ARL8B: variants seen among roughly 807,000 people sequenced by gnomAD.
The protein encoded by ARL8B is ADP-ribosylation factor-like protein 8B.
In ARL8B, 9 loss-of-function variants were observed where a neutral mutation model predicts 30.6. The ratio of observed to expected loss-of-function variants is 0.29; its 90% CI spans 0.18 to 0.51. ARL8B has a LOEUF of 0.51. ARL8B is among the 20% of genes least tolerant of loss of function. ARL8B has a pLI of 0.97. For missense variants in ARL8B, 130 were observed against 227.2 expected, an observed-to-expected ratio of 0.57 and a Z score of 2.75; for synonymous variants, 74 against 76.0, an observed-to-expected ratio of 0.97 and a Z score of 0.14.
chr3:5,166,233 T>G (rs1425905811), intron 1 of ARL8B, among the ~76,000 whole-genome samples: 2 of 152,000 alleles, frequency 1.3e-5, no homozygotes, highest in Non-Finnish European at 2.9e-5. Flanking sequence ...ACAGACGGGG[T>G]TTCACTATGT....
At chr3:5,166,446 G>A (rs1389859788) in intron 1 of ARL8B, among the ~76,000 whole-genome samples, 1 of 149,102 alleles carries the variant, frequency 6.7e-6, no homozygotes, top group Admixed American at 6.8e-5. Context: ...GGGTTCAAGC[G>A]ATTGCATCAG....
At chr3:5,132,166 C>CATG (rs1367390812) in intron 1 of ARL8B, among the ~76,000 whole-genome samples, 1 of 152,182 alleles carries the variant, frequency 6.6e-6, no homozygotes, top group African/African-American at 2.4e-5. Context: ...GGAGTACAGG[C>CATG]ATGAGCCTGT....
intron 1 of ARL8B, among the ~76,000 whole-genome samples, chr3:5,126,844 G>C (rs1037391838): frequency 4.6e-5 from 7 of 152,162 alleles, no homozygotes; most frequent in African/African-American, 1.7e-4. Flanking sequence ...GTGCCTATAT[G>C]TGTAATGTAT....
At chr3:5,154,786 C>T (rs945972855) in intron 1 of ARL8B, among the ~76,000 whole-genome samples, 5 of 152,108 alleles carry the variant, frequency 3.3e-5, no homozygotes, top group Non-Finnish European at 7.4e-5. Flanking sequence ...TCTTGGCTCA[C>T]TGCAACCTCT....
chr3:5,128,478 C>CA (rs1344533053), intron 1 of ARL8B: 1 of 454,862 alleles, frequency 2.2e-6, no homozygotes, highest in South Asian at 1.6e-5. Flanking sequence ...TCTTGAAAGC[C>CA]AAATGTTCTC....
At chr3:5,174,660 A>G (rs891733168) in intron 6 of ARL8B, among the ~76,000 whole-genome samples, 7 of 142,818 alleles carry the variant, frequency 4.9e-5, no homozygotes, top group African/African-American at 1.8e-4. Context: ...ATATATATAT[A>G]ATATAATATA....
chr3:5,122,311 C>T lies in ARL8B; in HGVS notation c.-155C>T. 6.6e-7 allele frequency: 1 copy of T among 1,515,892 alleles called. No homozygotes were observed. The highest frequency in any genetic ancestry group is 8.8e-7 in the Non-Finnish European group (1 of 1,133,020). 93.9% of individuals were successfully genotyped at this position (1,515,892 alleles called of 1,614,324 possible). On this transcript the variant is annotated 5_prime_UTR_variant, in exon 1 of 7. Coordinates refer to ENST00000256496, the MANE Select transcript of ARL8B (RefSeq NM_018184.3). ...CGAGTCATATGATCCGCTCGGCTTC[C>T]TGGGTCTGGCTGCTGCCGCCCGCCG...
intron 1 of ARL8B, among the ~76,000 whole-genome samples, chr3:5,161,155 T>G (rs1173247329): frequency 2.0e-5 from 3 of 152,190 alleles, no homozygotes; most frequent in Admixed American, 2.0e-4. Flanking sequence ...ATCCACCCAC[T>G]TTGGCCTCCC....
chr3:5,125,179 A>G (rs1368026337), intron 1 of ARL8B, among the ~76,000 whole-genome samples: 4 of 152,280 alleles, frequency 2.6e-5, no homozygotes, highest in Non-Finnish European at 4.4e-5. Flanking sequence ...TGTTTCTTAC[A>G]GAGTTGCTCT....
chr3:5,126,106 T>A (rs1241596807), intron 1 of ARL8B, among the ~76,000 whole-genome samples: 1 of 147,044 alleles, frequency 6.8e-6, no homozygotes, highest in Non-Finnish European at 1.5e-5. Flanking sequence ...ACCCCCTCAG[T>A]GAATTTCATA....
intron 1 of ARL8B, among the ~76,000 whole-genome samples, chr3:5,130,797 A>G (rs2054276648): frequency 6.6e-6 from 1 of 152,212 alleles, no homozygotes; most frequent in African/African-American, 2.4e-5. Flanking sequence ...CGGCCCAGGC[A>G]TGAGCCACCA....
At chr3:5,157,770 A>G (rs1239196299) in intron 1 of ARL8B, 2 of 152,148 alleles carry the variant, frequency 1.3e-5, no homozygotes, top group African/African-American at 4.8e-5. Flanking sequence ...ACCTTATACC[A>G]GAAAGAGAAA....
chr3:5,133,207 AAGGCTGGAAAAGTAGATCAGTC>A (rs2106554926), intron 1 of ARL8B, among the ~76,000 whole-genome samples: 1 of 129,886 alleles, frequency 7.7e-6, no homozygotes, highest in South Asian at 2.3e-4. Context: ...AAAAGAAACA[AAGGCTGGAAAAGTAGATCAGTC>A]AGCTCCCACA....
At chr3:5,157,620 A>G (rs1336136918) in intron 1 of ARL8B, 5 of 152,260 alleles carry the variant, frequency 3.3e-5, no homozygotes, top group African/African-American at 4.8e-5. Flanking sequence ...CAGCTGGTCC[A>G]TAGCTGCCTT....
chr3:5,157,239 A>G (rs1575569344), intron 1 of ARL8B, among the ~76,000 whole-genome samples: 1 of 152,148 alleles, frequency 6.6e-6, no homozygotes, highest in South Asian at 2.1e-4. Context: ...TTAGTTCTCA[A>G]AGCCTTTGTG....
intron 1 of ARL8B, among the ~76,000 whole-genome samples, chr3:5,136,503 G>C (rs1462743138): frequency 6.6e-6 from 1 of 152,140 alleles, no homozygotes; most frequent in African/African-American, 2.4e-5. Context: ...TTTGGAAGCT[G>C]GGCATGACTT....
rs922629855 is a variant in ARL8B at position 5,180,821 on chromosome 3, G to A, written c.*2108G>A. Reference sequence around the variant, plus strand: ...TTTTTTGGAAGTTTCCGAGAGGAGGGTCTATAGACCATTTGTCAGAAATCA... The same window carrying A: ...TTTTTTGGAAGTTTCCGAGAGGAGGATCTATAGACCATTTGTCAGAAATCA... On this transcript the variant is annotated 3_prime_UTR_variant, in exon 7 of 7. Transcript: ENST00000256496. 3.0e-5 allele frequency: 4 copies of A among 134,262 alleles called. No homozygotes were observed. Among genetic ancestry groups the A allele is most frequent in the Admixed American group, 7.3e-5 (1 of 13,674 alleles). The allele number at this position is 134,262 out of a possible 1,614,324, so 8.3% of individuals were successfully genotyped here.
chr3:5,174,078 A>C lies in ARL8B; in HGVS notation c.434A>C (p.Glu145Ala). 2 of 1,608,684 alleles carry C rather than the reference A, an allele frequency of 1.2e-6. No homozygotes were observed. The highest frequency in any genetic ancestry group is 1.7e-6 in the Non-Finnish European group (2 of 1,175,628). Residue 145 changes from glutamate to alanine, a missense_variant, in exon 5 of 7, where the codon GAA (glutamate) becomes GCA (alanine). Transcript: ENST00000256496. ...PNALDEKQLI[E>A]KMNLSAIQDR... ...GCCTTGGATGAGAAACAGCTAATTG[A>C]AAAAATGTATGTCTTGAATATGCTA...
At chr3:5,124,162 C>A (rs1326509680) in intron 1 of ARL8B, among the ~76,000 whole-genome samples, 1 of 152,026 alleles carries the variant, frequency 6.6e-6, no homozygotes, top group African/African-American at 2.4e-5. Context: ...AGCCACCGCG[C>A]CTGGCCTCCT....
Sources: allele counts gnomAD v4.1 joint callset (sites outside exome capture counted in the v4.1 genomes callset), GRCh38; gene constraint gnomAD v4.1.1; transcripts MANE v1.5; gene names NCBI Gene and HGNC (gene_info 2026-07-23, HGNC 2026-07-21).